Variants in NTRK1 observed in about 807,000 individuals in gnomAD.
NTRK1 encodes high affinity nerve growth factor receptor.
A neutral mutation model predicts 86.8 loss-of-function variants in NTRK1; 62 were observed. That is an observed-to-expected ratio of 0.71 (90% CI 0.58 to 0.88). The LOEUF (loss-of-function observed/expected upper bound fraction) is 0.88. NTRK1 is among the 40% of genes least tolerant of loss of function. The probability of loss-of-function intolerance (pLI) is 0.00; values close to 1 mark genes in which losing one functional copy is unlikely to be tolerated. For missense variants in NTRK1, 967 were observed against 1,078.4 expected, an observed-to-expected ratio of 0.90 and a Z score of 1.45; for synonymous variants, 469 against 456.6, an observed-to-expected ratio of 1.03 and a Z score of -0.35.
chr1:156,875,292 G>C (rs1309018444), intron 11 of NTRK1, among the ~76,000 whole-genome samples: 1 of 152,076 alleles, frequency 6.6e-6, no homozygotes, highest in African/African-American at 2.4e-5. Context: ...TGGGCTCTGT[G>C]GGGGTGGAGG....
At chr1:156,844,855 G>A in intron 2 of NTRK1, 2 of 1,613,776 alleles carry the variant, frequency 1.2e-6, no homozygotes, top group African/African-American at 1.3e-5. Flanking sequence ...TGCGGGAAGG[G>A]GCATCCAGCA....
In NTRK1 at chr1:156,822,237, G is replaced by A. The variant is rs574727083; in HGVS notation, c.-64+6399G>A. On this transcript the variant is annotated intron_variant, in intron 1 of 16. Coordinates refer to the NTRK1 transcript ENST00000392302. ...GGCTTCAGCTTGTTCTGTGCAAACG[G>A]TGACATTCCTAGTTTCTTACTTATT... 2.6e-5 allele frequency among the ~76,000 whole-genome samples: 4 copies of A among 152,302 alleles called. No homozygotes were observed. In the East Asian group the frequency reaches 7.7e-4, roughly 29 times the overall value.
intron 6 of NTRK1, among the ~76,000 whole-genome samples, chr1:156,869,511 T>C (rs1326141232): frequency 1.1e-4 from 16 of 152,134 alleles, no homozygotes; most frequent in Admixed American, 1.0e-3. Flanking sequence ...CTCTTGGGCA[T>C]GTGATGAACG....
rs116684550 is a variant in NTRK1, at chr1:156,862,153, C to T, written c.212+1007C>T. Among the ~76,000 whole-genome samples the T allele has an allele frequency of 7.1e-3, 1,080 of 152,208 alleles. 12 individuals are homozygous for T. The highest frequency in any genetic ancestry group is 0.024 in the African/African-American group (984 of 41,510). On this transcript the variant is annotated intron_variant, in intron 1 of 16. Transcript: ENST00000524377. ...GTGCTGTGATGGGCTGGAAGGTATCCGAGGTGAGGATCATCACTGTCTGGA... is the reference window on the plus strand; with the variant it reads ...GTGCTGTGATGGGCTGGAAGGTATCTGAGGTGAGGATCATCACTGTCTGGA...
intron 1 of NTRK1, among the ~76,000 whole-genome samples, chr1:156,831,615 G>A (rs937324353): frequency 5.3e-5 from 8 of 152,148 alleles, no homozygotes; most frequent in Non-Finnish European, 1.0e-4. Context: ...AGGACTGCTT[G>A]GAAGTCATCA....
chr1:156,873,884 G>A lies in NTRK1; in HGVS notation c.1102G>A (p.Gly368Ser), dbSNP rs866261145. 6 of 1,588,326 alleles carry A rather than the reference G, an allele frequency of 3.8e-6. No individual in the cohort carries two copies. Among genetic ancestry groups the A allele is most frequent in the Non-Finnish European group, 3.4e-6 (4 of 1,166,744 alleles). Residue 368 changes from glycine (G) to serine (S), a missense_variant, in exon 8 of 17, where the codon GGC becomes AGC. Physicochemically the swap from Gly to Ser is moderately conservative, Grantham distance 56. Transcript: ENST00000524377. ...NYTLLAANPF[G>S]QASASIMAAF... The stretch of plus-strand genomic sequence containing the variant: ...CACGCTGCTGGCTGCCAACCCCTTC[G>A]GCCAGGCCTCCGCCTCCATCATGGC...
intron 2 of NTRK1, chr1:156,851,525 G>A (rs772113116): frequency 6.2e-7 from 1 of 1,601,916 alleles, no homozygotes; most frequent in Non-Finnish European, 8.6e-7. Context: ...GGGAAGGTGG[G>A]CCCTCAGGAC....
At chr1:156,846,670 G>A in intron 2 of NTRK1, 2 of 1,614,186 alleles carry the variant, frequency 1.2e-6, no homozygotes, top group Non-Finnish European at 1.7e-6. Flanking sequence ...CCTGGGTGCG[G>A]CTTAGGGGCA....
At chr1:156,863,784 G>C (rs1038652752) in intron 1 of NTRK1, among the ~76,000 whole-genome samples, 2 of 152,188 alleles carry the variant, frequency 1.3e-5, no homozygotes, top group African/African-American at 4.8e-5. Context: ...GTCTGTGCTG[G>C]GTGGGGCAGT....
intron 1 of NTRK1, among the ~76,000 whole-genome samples, chr1:156,832,671 C>T (rs1249175959): frequency 6.6e-6 from 1 of 152,110 alleles, no homozygotes; most frequent in Non-Finnish European, 1.5e-5. Context: ...GAGATGAAGC[C>T]TAGAGATAGG....
chr1:156,875,093 G>A (rs931607868), intron 11 of NTRK1, 85 bp downstream of exon 11: 1 of 1,026,430 alleles, frequency 9.7e-7, no homozygotes, highest in African/African-American at 1.6e-5. Context: ...TGTCTCTGGG[G>A]GGCTGTGCAC....
At chr1:156,832,628 G>A (rs552025643) in intron 1 of NTRK1, among the ~76,000 whole-genome samples, 3 of 152,274 alleles carry the variant, frequency 2.0e-5, no homozygotes, top group Non-Finnish European at 2.9e-5. Flanking sequence ...CCCTCTGGAG[G>A]ATGGTATGGG....
intron 1 of NTRK1, among the ~76,000 whole-genome samples, chr1:156,828,219 G>A (rs1654375482): frequency 6.6e-6 from 1 of 152,152 alleles, no homozygotes; most frequent in Non-Finnish European, 1.5e-5. Context: ...TATTATAGAA[G>A]GCTCAAAGAT....
At position 156,875,984 on chromosome 1, in the gene NTRK1, G is replaced by A. The variant is rs74417893; in HGVS notation, c.1502-96G>A. The A allele has an allele frequency of 9.0e-4, 1,423 of 1,587,626 alleles. 9 individuals are homozygous for A. The African/African-American group carries it at 0.017, about 19-fold the overall frequency. The stretch of plus-strand genomic sequence containing the variant: ...CCCCATGCAGTCCCTCGTCTGGGCA[G>A]CCTTGTGCAGCACACAGCCCTGCCA... On this transcript the variant is annotated intron_variant, in intron 12 of 16. Coordinates refer to ENST00000524377, the MANE Select transcript of NTRK1 (RefSeq NM_002529.4).
intron 1 of NTRK1, among the ~76,000 whole-genome samples, chr1:156,819,014 C>T (rs1052349356): frequency 6.6e-6 from 1 of 151,554 alleles, no homozygotes; most frequent in African/African-American, 2.4e-5. Flanking sequence ...TGTGTGTGTC[C>T]GTGTTTGAGA....
chr1:156,870,105 G>A (rs899684877), intron 6 of NTRK1, among the ~76,000 whole-genome samples: 1 of 152,246 alleles, frequency 6.6e-6, no homozygotes, highest in African/African-American at 2.4e-5. Context: ...TGCCTAGAGT[G>A]AGTAAAAGAA....
intron 2 of NTRK1, among the ~76,000 whole-genome samples, chr1:156,855,589 G>A (rs1371799760): frequency 1.3e-5 from 2 of 152,146 alleles, no homozygotes; most frequent in African/African-American, 2.4e-5. Context: ...TTGGGAGGCC[G>A]AGGTGGGAAG....
At chr1:156,868,322 G>T in intron 5 of NTRK1, 73 bp downstream of exon 5, 2 of 1,581,102 alleles carry the variant, frequency 1.3e-6, no homozygotes, top group South Asian at 2.2e-5. Context: ...AGAGGGCACT[G>T]AGCAAGCACT....
At chr1:156,845,011 A>C (rs1477077768) in intron 2 of NTRK1, 35 of 1,549,128 alleles carry the variant, frequency 2.3e-5, no homozygotes, top group Non-Finnish European at 2.7e-5. Context: ...GTCAAACCCC[A>C]AACCTTTGCA....
Sources: allele counts gnomAD v4.1 joint callset (sites outside exome capture counted in the v4.1 genomes callset), GRCh38; gene constraint gnomAD v4.1.1; transcripts MANE v1.5; gene names NCBI Gene and HGNC (gene_info 2026-07-23, HGNC 2026-07-21).